The following TMEM63A variants were observed in gnomAD, a reference collection of about 807,000 sequenced individuals.
TMEM63A encodes transmembrane protein 63A, also known as mechanosensitive cation channel TMEM63A.
A neutral mutation model predicts 100.6 loss-of-function variants in TMEM63A; 76 were observed. The ratio of observed to expected loss-of-function variants is 0.76; its 90% CI spans 0.63 to 0.91. TMEM63A has a LOEUF of 0.91. Ranked by LOEUF, TMEM63A falls within the 40% of genes least tolerant of loss-of-function variation. The pLI is 0.00. For synonymous variants in TMEM63A, 401 were observed against 401.1 expected (o/e 1.00, Z 0.00); for missense variants, 876 against 1,008.8 (o/e 0.87, Z 1.78).
At chr1:225,872,653 A>ATT (rs1670568336) in intron 4 of TMEM63A, among the ~76,000 whole-genome samples, 1 of 148,546 alleles carries the variant, frequency 6.7e-6, no homozygotes, top group Non-Finnish European at 1.5e-5. Flanking sequence ...TATAAATCTG[A>ATT]GGTGTTTGCA....
chr1:225,845,359 C>G, downstream of TMEM63A: 1 of 1,434,586 alleles, frequency 7.0e-7, no homozygotes, highest in Non-Finnish European at 9.4e-7. Context: ...CCACCCCTCT[C>G]CCCCCGCCTG....
rs1473563560 is a variant in TMEM63A at position 225,877,413 on chromosome 1, T to C, written c.168A>G (p.Ile56Met). Residue 56 changes from isoleucine to methionine, a missense_variant, in exon 3 of 25, where the codon ATA (isoleucine) becomes ATG (methionine). Ile to Met is a conservative substitution (Grantham distance 10). This residue lies in a region of TMEM63A where 487 missense variants were observed against 581.9 expected (regional missense o/e 0.84). Transcript: ENST00000366835. ...TFGGIPTVLL[I>M]DVSCFLFLIL... ...CTCTCACCAGGAAGCAGCTGACGTC[T>C]ATGAGCAGGACAGTGGGGATGCCAC... 1 of 1,613,340 alleles carries C rather than the reference T, an allele frequency of 6.2e-7. No individual in the cohort carries two copies. The highest frequency in any genetic ancestry group is 8.5e-7 in the Non-Finnish European group (1 of 1,179,432).
intron 2 of TMEM63A, among the ~76,000 whole-genome samples, chr1:225,878,110 C>T (rs1262695369): frequency 6.6e-6 from 1 of 152,150 alleles, no homozygotes; most frequent in Non-Finnish European, 1.5e-5. Flanking sequence ...GAGCCACAGA[C>T]AACACCTCAC....
intron 2 of TMEM63A, chr1:225,877,808 T>A: frequency 2.0e-6 from 1 of 497,100 alleles, no homozygotes; most frequent in Non-Finnish European, 3.6e-6. Context: ...TCTCAGGGGA[T>A]CAGATGGTCA....
intron 4 of TMEM63A, among the ~76,000 whole-genome samples, chr1:225,872,837 G>A (rs1670586246): frequency 6.6e-6 from 1 of 151,816 alleles, no homozygotes; most frequent in African/African-American, 2.4e-5. Flanking sequence ...GGGCTTACAG[G>A]CACCCGCCAC....
At chr1:225,849,046 C>T (rs1669182025) in intron 21 of TMEM63A, 34 bp from the exon 22 acceptor site, 2 of 733,036 alleles carry the variant, frequency 2.7e-6, no homozygotes, top group Admixed American at 2.3e-5. Flanking sequence ...TTGGGGTGGG[C>T]AGGGAGGGGC....
chr1:225,852,514 G>A, intron 20 of TMEM63A, 150 bp downstream of exon 20: 2 of 670,474 alleles, frequency 3.0e-6, no homozygotes, highest in South Asian at 1.8e-5. Context: ...GTGAAATCTG[G>A]TGTCACGTGA....
Position 225,853,580 on chromosome 1 carries a change from GGACATGGGAGGGAGT to G in TMEM63A, c.1797+34_1797+48del, listed in dbSNP as rs775604820. 36 of 1,486,716 alleles carry G rather than the reference GGACATGGGAGGGAGT, an allele frequency of 2.4e-5. No individual in the cohort carries two copies. Among genetic ancestry groups the G allele is most frequent in the Non-Finnish European group, 5.4e-6 (6 of 1,112,184 alleles). 92.1% of individuals were successfully genotyped at this position (1,486,716 alleles called of 1,614,324 possible). A position where few individuals can be genotyped will look rare whatever the true frequency, so the allele number is the denominator to read the frequency against. On this transcript the variant is annotated intron_variant, in intron 19 of 24. Coordinates refer to ENST00000366835, the MANE Select transcript of TMEM63A (RefSeq NM_014698.3). This position sits in a 1 kb window ranked among gnomAD's most constrained non-coding sequence, Gnocchi z 4.0. Reference sequence around the variant, plus strand: ...GAGAGGCCCTCGGGTCAGTGAAGGGGGACATGGGAGGGAGTCAGAGGCACAGCCCTGGGCCCAGGG... The same window carrying G: ...GAGAGGCCCTCGGGTCAGTGAAGGGGCAGAGGCACAGCCCTGGGCCCAGGG...
rs1177512352 is a variant in TMEM63A, at chr1:225,850,047, C to T, written c.1936G>A (p.Asp646Asn). The T allele has an allele frequency of 1.2e-6, 2 of 1,614,182 alleles. No homozygotes were observed. The highest frequency in any genetic ancestry group is 1.7e-6 in the Non-Finnish European group (2 of 1,180,036). Residue 646 changes from aspartate to asparagine, a missense_variant, in exon 21 of 25, where the codon GAC (aspartate) becomes AAC (asparagine). Transcript: ENST00000366835. ...LIYILLKHMVDRHNLYFVYLP... is the reference protein window; with the variant it reads ...LIYILLKHMVNRHNLYFVYLP... The stretch of plus-strand genomic sequence containing the variant: ...TAGACGAAGTAGAGGTTGTGCCGGT[C>T]CACCATGTGCTTGAGCAGGATGTAG...
Position 225,867,693 on chromosome 1 carries a change from T to C in TMEM63A, c.514+195A>G, listed in dbSNP as rs1670282605. ...CTATTTAAATAGAACCAGACATTGA[T>C]ATTGGGGCCCCAGTTTTAGCCTAGG... On this transcript the variant is annotated intron_variant, in intron 7 of 24. Transcript: ENST00000366835. This position sits in a 1 kb window ranked among gnomAD's most constrained non-coding sequence, Gnocchi z 4.6. Among the ~76,000 whole-genome samples, 2 of 152,140 alleles carry C rather than the reference T, an allele frequency of 1.3e-5. No homozygotes were observed. Among genetic ancestry groups the C allele is most frequent in the Non-Finnish European group, 2.9e-5 (2 of 68,020 alleles).
Position 225,857,131 on chromosome 1 carries a change from T to A in TMEM63A, c.1378-114A>T. The A allele has an allele frequency of 3.4e-6, 3 of 894,716 alleles. 1 individual carries two copies. The highest frequency in any genetic ancestry group is 4.8e-6 in the Non-Finnish European group (3 of 621,502). 55.4% of individuals were successfully genotyped at this position (894,716 alleles called of 1,614,324 possible). ...GGACTCCCAGGGTAGGAGTTTGTCA[T>A]CTCTGACCCCAGAACCAAAACTGTG... is the stretch of plus-strand genomic sequence containing the variant. On this transcript the variant is annotated intron_variant, in intron 15 of 24. Transcript: ENST00000366835.
rs1669816833 is a variant in TMEM63A at position 225,859,368 on chromosome 1, T to C, written c.1224-19A>G. Reference sequence around the variant, plus strand: ...GTTCTTCCTGCAGCGGGAGAGGGGATACAGGTCTCGAGGCTTGTCTCCCAG... The same window carrying C: ...GTTCTTCCTGCAGCGGGAGAGGGGACACAGGTCTCGAGGCTTGTCTCCCAG... On this transcript the variant is annotated intron_variant, in intron 14 of 24. Transcript: ENST00000366835. The C allele has an allele frequency of 3.7e-6, 6 of 1,612,860 alleles. No homozygotes were observed. The highest frequency in any genetic ancestry group is 1.3e-5 in the African/African-American group (1 of 74,968).
rs1231122653 is a variant in TMEM63A at position 225,862,787 on chromosome 1, A to AT, written c.810_811insA (p.Tyr271IlefsTer10). 2 of 1,613,952 alleles carry AT rather than the reference A, an allele frequency of 1.2e-6. No homozygotes were observed. Among genetic ancestry groups the AT allele is most frequent in the Non-Finnish European group, 1.7e-6 (2 of 1,180,016 alleles). On this transcript the variant is annotated frameshift_variant, in exon 11 of 25. Transcript: ENST00000366835. LOFTEE classifies it high-confidence loss of function. This position sits in a 1 kb window ranked among gnomAD's most constrained non-coding sequence, Gnocchi z 5.1. Reference sequence around the variant, plus strand: ...ACCACTCACTTCTCCTTGCACAGGTAGATCAGTTTGGCCACGTTGTAGCAC... The same window carrying AT: ...ACCACTCACTTCTCCTTGCACAGGTATGATCAGTTTGGCCACGTTGTAGCAC...
intron 3 of TMEM63A, among the ~76,000 whole-genome samples, chr1:225,876,840 G>C (rs1248946141): frequency 1.3e-5 from 2 of 151,986 alleles, no homozygotes; most frequent in African/African-American, 4.8e-5. Context: ...GTAGAGACAG[G>C]GTTTCACCAT....
intron 10 of TMEM63A, chr1:225,863,842 GGAGGCA>G (rs1009870331): frequency 7.4e-5 from 11 of 148,066 alleles, no homozygotes; most frequent in African/African-American, 2.7e-4. Flanking sequence ...CTTGAACCTG[GGAGGCA>G]GAGGTTGCAG....
intron 4 of TMEM63A, among the ~76,000 whole-genome samples, chr1:225,873,896 C>T (rs1206743013): frequency 6.6e-6 from 1 of 152,226 alleles, no homozygotes; most frequent in Non-Finnish European, 1.5e-5. Flanking sequence ...GTATCTAAAG[C>T]AACCAGTCTG....
downstream of TMEM63A, among the ~76,000 whole-genome samples, chr1:225,844,234 G>A (rs1668701281): frequency 1.3e-5 from 2 of 152,074 alleles, no homozygotes; most frequent in Non-Finnish European, 2.9e-5. Flanking sequence ...TCAGTGGCAG[G>A]AGAGAGGGGA....
chr1:225,871,889 G>C, intron 5 of TMEM63A, 98 bp downstream of exon 5: 1 of 901,746 alleles, frequency 1.1e-6, no homozygotes, highest in Non-Finnish European at 1.8e-6. Context: ...ACTTTCTCCA[G>C]CACTTGCCGC....
chr1:225,859,532 C>CCTG, intron 14 of TMEM63A, 183 bp from the exon 15 acceptor site: 1 of 708,956 alleles, frequency 1.4e-6, no homozygotes. Context: ...AACAATTATT[C>CCTG]TCTCAGATGT....
Sources: allele counts gnomAD v4.1 joint callset (sites outside exome capture counted in the v4.1 genomes callset), GRCh38; gene constraint gnomAD v4.1.1; regional missense constraint gnomAD v4.1.1; non-coding constraint Gnocchi (gnomAD v3.1); transcripts MANE v1.5; gene names NCBI Gene and HGNC (gene_info 2026-07-23, HGNC 2026-07-21).